TNFRSF25: variants seen among roughly 807,000 people sequenced by gnomAD.
TNFRSF25 encodes the protein TNF receptor superfamily member 25, also known as tumor necrosis factor receptor superfamily member 25.
A neutral mutation model predicts 49.4 loss-of-function variants in TNFRSF25; 28 were observed. The ratio of observed to expected loss-of-function variants is 0.57; its 90% CI spans 0.42 to 0.78. The LOEUF (loss-of-function observed/expected upper bound fraction) is 0.78, where lower values mean the gene tolerates loss of function less well. Ranked by LOEUF, TNFRSF25 falls within the 30% of genes least tolerant of loss-of-function variation. TNFRSF25 has a pLI of 0.00. For synonymous variants in TNFRSF25, 240 were observed against 234.2 expected (o/e 1.02, Z -0.23); for missense variants, 531 against 581.6 (o/e 0.91, Z 0.90).
chr1:6,461,704 C>T lies in TNFRSF25; in HGVS notation c.984G>A (p.Met328Ile). ...PESPAGSPAMMLQPGPQLYDV... is the reference protein window; with the variant it reads ...PESPAGSPAMILQPGPQLYDV... ...CGTAGAGCTGCGGGCCCGGCTGCAG[C>T]ATCATGGCTGGCGAGCCGGCTGGGG... Residue 328 changes from methionine to isoleucine, a missense_variant, in exon 10 of 10, where the codon ATG (methionine) becomes ATA (isoleucine). Physicochemically the swap from Met to Ile is conservative, Grantham distance 10. Transcript: ENST00000356876. This position sits in a 1 kb window ranked among gnomAD's most constrained non-coding sequence, Gnocchi z 6.3. The T allele has an allele frequency of 6.4e-7, 1 of 1,570,622 alleles. No homozygotes were observed. The highest frequency in any genetic ancestry group is 8.6e-7 in the Non-Finnish European group (1 of 1,164,736).
In TNFRSF25 at chr1:6,461,400, C is replaced by A; in HGVS notation, c.*34G>T. 1 of 1,478,164 alleles carries A rather than the reference C, an allele frequency of 6.8e-7. No homozygotes were observed. The highest frequency in any genetic ancestry group is 9.0e-7 in the Non-Finnish European group (1 of 1,114,834). 91.6% of individuals were successfully genotyped at this position (1,478,164 alleles called of 1,614,324 possible). A position where few individuals can be genotyped will look rare whatever the true frequency, so the allele number is the denominator to read the frequency against. Reference sequence around the variant, plus strand: ...CCGTACTTAGGGCTTCTGCAAGGGCCACCAGAGCGCCTAGGTGGCAAGTGG... The same window carrying A: ...CCGTACTTAGGGCTTCTGCAAGGGCAACCAGAGCGCCTAGGTGGCAAGTGG... On this transcript the variant is annotated 3_prime_UTR_variant, in exon 10 of 10. Transcript: ENST00000356876. This position sits in a 1 kb window ranked among gnomAD's most constrained non-coding sequence, Gnocchi z 6.3.
chr1:6,464,386 C>T lies in TNFRSF25; in HGVS notation c.531G>A (p.Val177=). 1.2e-6 allele frequency: 2 copies of T among 1,609,504 alleles called. No individual in the cohort carries two copies. Among genetic ancestry groups the T allele is most frequent in the South Asian group, 2.2e-5 (2 of 90,040 alleles). ...CAGCTAGGAATTACGTGGGGCAGGA[C>T]ACGCAGCCATCGCCATGTTCATAGA... ...PGFYEHGDGC[V]SCPTSTLGSC... The change falls in exon 5 of 10, where the codon GTG becomes GTA. Residue 177 remains valine (V), a synonymous_variant. Transcript: ENST00000356876.
At chr1:6,463,312 A>G (rs1644235104) in intron 5 of TNFRSF25, 185 bp from the exon 6 acceptor site, 2 of 633,112 alleles carry the variant, frequency 3.2e-6, no homozygotes, top group Admixed American at 2.9e-5. Context: ...AGCTTCTTCT[A>G]GACTACATGA....
intron 1 of TNFRSF25, 145 bp downstream of exon 1, chr1:6,465,924 G>C: frequency 6.9e-7 from 1 of 1,446,672 alleles, no homozygotes; most frequent in East Asian, 2.7e-5. Flanking sequence ...CTACGCCCTG[G>C]AGGAGCCTTT....
At chr1:6,463,522 C>T (rs538371907) in intron 5 of TNFRSF25, 4 of 206,646 alleles carry the variant, frequency 1.9e-5, no homozygotes, top group South Asian at 9.2e-5. Flanking sequence ...GTCAGGTGAT[C>T]AAGACCATCT....
In TNFRSF25 at chr1:6,463,121, G is replaced by C; in HGVS notation, c.549C>G (p.Thr183=). 5 of 1,551,538 alleles carry C rather than the reference G, an allele frequency of 3.2e-6. No individual in the cohort carries two copies. The highest frequency in any genetic ancestry group is 4.4e-6 in the Non-Finnish European group (5 of 1,146,980). Residue 183 remains threonine (T), a synonymous_variant, in exon 6 of 10, where the codon ACC becomes ACG. Coordinates refer to ENST00000356876, the MANE Select transcript of TNFRSF25 (RefSeq NM_003790.3). ...GDGCVSCPTS[T]LGSCPERCAA... ...CACAGCGCTCTGGACAGCTCCCCAGGGTGCTCCTGCAAGGGACGGGGGTGG... is the reference window on the plus strand; with the variant it reads ...CACAGCGCTCTGGACAGCTCCCCAGCGTGCTCCTGCAAGGGACGGGGGTGG...
At position 6,465,264 on chromosome 1, in the gene TNFRSF25, C is replaced by T. The variant is rs1204980008; in HGVS notation, c.161-42G>A. ...GGGTCAGGCAGGCAGAGGGGCTGCC[C>T]AGCAACCCCCGACCTGCTTCCCACC... On this transcript the variant is annotated intron_variant, in intron 2 of 9. Transcript: ENST00000356876. The T allele has an allele frequency of 4.4e-6, 7 of 1,581,362 alleles. No individual in the cohort carries two copies. The Admixed American group carries it at 1.3e-4, about 29-fold the overall frequency.
In TNFRSF25 at chr1:6,462,134, A is replaced by G. The variant is rs757724160; in HGVS notation, c.785T>C (p.Leu262Pro). 1 of 1,613,554 alleles carries G rather than the reference A, an allele frequency of 6.2e-7. No homozygotes were observed. Among genetic ancestry groups the G allele is most frequent in the Non-Finnish European group, 8.5e-7 (1 of 1,179,808 alleles). The change falls in exon 9 of 10, where the codon CTA becomes CCA. Residue 262 changes from leucine to proline, a missense_variant. By Grantham distance (98) the Leu-to-Pro change is moderately conservative (BLOSUM62 -3). Coordinates refer to ENST00000356876, the MANE Select transcript of TNFRSF25 (RefSeq NM_003790.3). This position sits in a 1 kb window ranked among gnomAD's most constrained non-coding sequence, Gnocchi z 4.2. The stretch of plus-strand genomic sequence containing the variant: ...CTTCTCACTGCTGTCAGGAGGTGCT[A>G]GAAGGGTGTGGGCGCTGTCCAAGGG... The part of the protein sequence containing the change: ...LSPLDSAHTL[L>P]APPDSSEKIC...
At position 6,461,848 on chromosome 1, in the gene TNFRSF25, G is replaced by A. The variant is rs1644184050; in HGVS notation, c.926-86C>T. ...AGGGGCGTTCGTGCGGGTACCCCAG[G>A]GCTGAAGCCCGCTGGATCCGGTGGG... On this transcript the variant is annotated intron_variant, in intron 9 of 9. Transcript: ENST00000356876. The surrounding 1 kb of genome is among the most constrained non-coding windows in gnomAD (Gnocchi z 6.3). The A allele has an allele frequency of 1.4e-6, 2 of 1,453,232 alleles. No individual in the cohort carries two copies. The highest frequency in any genetic ancestry group is 1.8e-6 in the Non-Finnish European group (2 of 1,104,660). The allele number at this position is 1,453,232 out of a possible 1,614,324, so 90.0% of individuals were successfully genotyped here. A position where few individuals can be genotyped will look rare whatever the true frequency, so the allele number is the denominator to read the frequency against.
chr1:6,465,600 A>G, intron 1 of TNFRSF25, 40 bp from the exon 2 acceptor site: 1 of 1,597,488 alleles, frequency 6.3e-7, no homozygotes, highest in East Asian at 2.3e-5. Context: ...GCAGCTGCCC[A>G]CGTGGGGCCT....
intron 1 of TNFRSF25, 78 bp downstream of exon 1, chr1:6,465,991 C>T (rs1644355215): frequency 2.0e-6 from 3 of 1,515,676 alleles, no homozygotes; most frequent in Non-Finnish European, 2.7e-6. Context: ...AGTGGAGACG[C>T]GCCCGGGGCC....
chr1:6,465,395 C>T, intron 2 of TNFRSF25, 45 bp downstream of exon 2: 18 of 1,612,632 alleles, frequency 1.1e-5, no homozygotes, highest in Non-Finnish European at 1.5e-5. Flanking sequence ...GCCACCTCTC[C>T]AGCCCTGCCT....
intron 5 of TNFRSF25, 104 bp from the exon 6 acceptor site, chr1:6,463,231 A>G: frequency 8.6e-7 from 1 of 1,168,560 alleles, no homozygotes; most frequent in Non-Finnish European, 1.2e-6. Context: ...TTCCCTCCCC[A>G]GGCCTCTCAC....
Position 6,462,081 on chromosome 1 carries a change from T to C in TNFRSF25, c.838A>G (p.Ser280Gly), listed in dbSNP as rs147876204. 6.2e-7 allele frequency: 1 copy of C among 1,613,724 alleles called. No homozygotes were observed. Among genetic ancestry groups the C allele is most frequent in the Non-Finnish European group, 8.5e-7 (1 of 1,179,980 alleles). Residue 280 changes from serine (S) to glycine (G), a missense_variant, in exon 9 of 10, where the codon AGC becomes GGC. Coordinates refer to ENST00000356876, the MANE Select transcript of TNFRSF25 (RefSeq NM_003790.3). The surrounding 1 kb of genome is among the most constrained non-coding windows in gnomAD (Gnocchi z 4.2). ...GTCTCGGGGTAGCCAGGGGTCCAGC[T>C]GTTACCCACCAACTGGACGGTGCAG... Reference protein sequence around the residue: ...KICTVQLVGNSWTPGYPETQE... With the variant: ...KICTVQLVGNGWTPGYPETQE...
intron 3 of TNFRSF25, 33 bp downstream of exon 3, chr1:6,465,055 G>A (rs1288949118): frequency 1.3e-6 from 2 of 1,597,316 alleles, no homozygotes; most frequent in African/African-American, 1.3e-5. Context: ...CTGTCCTTAG[G>A]AACTCCCTGC....
intron 1 of TNFRSF25, 197 bp downstream of exon 1, chr1:6,465,872 C>A (rs1390420590): frequency 2.8e-6 from 4 of 1,415,990 alleles, no homozygotes; most frequent in Non-Finnish European, 3.7e-6. Flanking sequence ...CTGCCTGGGG[C>A]CCCCAGACCC....
rs756185707 is a variant in TNFRSF25 at position 6,464,447 on chromosome 1, C to G, written c.470G>C (p.Arg157Pro). The G allele has an allele frequency of 6.2e-7, 1 of 1,611,142 alleles. No homozygotes were observed. Among genetic ancestry groups the G allele is most frequent in the Admixed American group, 1.7e-5 (1 of 59,424 alleles). The change falls in exon 5 of 10, where the codon CGC becomes CCC. Residue 157 changes from arginine to proline, a missense_variant. Physicochemically the swap from Arg to Pro is moderately radical, Grantham distance 103 (BLOSUM62 -2). Transcript: ENST00000356876. ...LHRHTRLLCSRRDTDCGTCLP... is the reference protein window; with the variant it reads ...LHRHTRLLCSPRDTDCGTCLP... ...GCAGGTCCCACAGTCAGTATCTCTG[C>G]GGGAACCTGCAATCCAGGAGAGGCA... is the stretch of plus-strand genomic sequence containing the variant.
chr1:6,465,025 G>A (rs1644303100), intron 3 of TNFRSF25, 63 bp downstream of exon 3: 1 of 1,564,668 alleles, frequency 6.4e-7, no homozygotes, highest in East Asian at 2.2e-5. Flanking sequence ...GCCCGAGCCA[G>A]CCACTTCCTT....
At position 6,466,149 on chromosome 1, in the gene TNFRSF25, C is replaced by T; in HGVS notation, c.-42G>A. ...CCCAGGGGCTTCCCGGCTCCGTGCTCTCTGCCCGTCGTGGTTCCGCCTTCA... is the reference window on the plus strand; with the variant it reads ...CCCAGGGGCTTCCCGGCTCCGTGCTTTCTGCCCGTCGTGGTTCCGCCTTCA... On this transcript the variant is annotated 5_prime_UTR_variant, in exon 1 of 10. Coordinates refer to ENST00000356876, the MANE Select transcript of TNFRSF25 (RefSeq NM_003790.3). The T allele has an allele frequency of 8.3e-7, 1 of 1,200,686 alleles. No individual in the cohort carries two copies. Among genetic ancestry groups the T allele is most frequent in the Non-Finnish European group, 1.0e-6 (1 of 953,790 alleles). 74.4% of individuals were successfully genotyped at this position (1,200,686 alleles called of 1,614,324 possible).
Sources: gnomAD v4.1 joint callset for allele counts on GRCh38, gnomAD v4.1.1 for gene constraint, Gnocchi (gnomAD v3.1) non-coding constraint, MANE v1.5 for transcripts, NCBI Gene and HGNC (gene_info 2026-07-23, HGNC 2026-07-21) for gene names.